AFDN: variants seen among roughly 807,000 people sequenced by gnomAD.
AFDN encodes the protein afadin.
In AFDN, 68 loss-of-function variants were observed where a neutral mutation model predicts 216.6. The ratio of observed to expected loss-of-function variants is 0.31; its 90% CI spans 0.26 to 0.38. AFDN has a LOEUF of 0.38. Ranked by LOEUF, AFDN falls within the 10% of genes least tolerant of loss-of-function variation. The pLI, the probability that AFDN is intolerant of heterozygous loss-of-function variation, is 1.00. For synonymous variants in AFDN, 868 were observed against 853.7 expected (o/e 1.02, Z -0.29); for missense variants, 2,136 against 2,342.0 (o/e 0.91, Z 1.82).
chr6:167,851,303 C>T (rs1324781157), intron 1 of AFDN, among the ~76,000 whole-genome samples: 1 of 152,104 alleles, frequency 6.6e-6, no homozygotes, highest in Non-Finnish European at 1.5e-5. Context: ...GGGACATCTG[C>T]AGGGTATGCA....
At chr6:167,870,592 C>CT in intron 3 of AFDN, 94 bp downstream of exon 3, 1 of 663,554 alleles carries the variant, frequency 1.5e-6, no homozygotes, top group Non-Finnish European at 2.5e-6. Flanking sequence ...AGTTCCTTCT[C>CT]TTTTTTGCTT....
At chr6:167,963,766 AC>A (rs1797263616) in intron 31 of AFDN, 1 of 1,062,204 alleles carries the variant, frequency 9.4e-7, no homozygotes, top group South Asian at 4.6e-5. Context: ...TGAGTCTTTC[AC>A]TTGTGTAATG....
intron 30 of AFDN, among the ~76,000 whole-genome samples, chr6:167,958,722 T>G (rs538241636): frequency 6.6e-6 from 1 of 152,358 alleles, no homozygotes; most frequent in South Asian, 2.1e-4. Flanking sequence ...TGTTTTTGCG[T>G]GGAACTGTAG....
intron 26 of AFDN, among the ~76,000 whole-genome samples, chr6:167,945,314 A>AC (rs1795138519): frequency 6.6e-6 from 1 of 152,192 alleles, no homozygotes; most frequent in African/African-American, 2.4e-5. Context: ...AGGGGCAGTG[A>AC]CATGCCATGG....
intron 31 of AFDN, chr6:167,964,253 G>T: frequency 9.4e-7 from 1 of 1,064,082 alleles, no homozygotes. Flanking sequence ...ATAGAAAAAT[G>T]TGCCATTCAT....
intron 21 of AFDN, among the ~76,000 whole-genome samples, chr6:167,919,742 A>G (rs1237823720): frequency 6.6e-6 from 1 of 152,244 alleles, no homozygotes; most frequent in Non-Finnish European, 1.5e-5. Context: ...TTTCTGATGT[A>G]TGAGGTTTTG....
At chr6:167,872,080 A>T in intron 3 of AFDN, 134 bp from the exon 4 acceptor site, 1 of 785,104 alleles carries the variant, frequency 1.3e-6, no homozygotes, top group Non-Finnish European at 2.1e-6. Context: ...CATTCTCATT[A>T]CTCCAGACCT....
At position 167,925,104 on chromosome 6, in the gene AFDN, G is replaced by T; in HGVS notation, c.3099+13G>T. On this transcript the variant is annotated intron_variant, in intron 23 of 33. Coordinates refer to ENST00000683244, the MANE Select transcript of AFDN (RefSeq NM_001386888.1). Reference sequence around the variant, plus strand: ...TGTTGCAGCAAAGGTAGGCCAATTAGTCACGTGCGAGTTGTTCTCTCCAGT... The same window carrying T: ...TGTTGCAGCAAAGGTAGGCCAATTATTCACGTGCGAGTTGTTCTCTCCAGT... 1 of 1,589,862 alleles carries T rather than the reference G, an allele frequency of 6.3e-7. No homozygotes were observed. The highest frequency in any genetic ancestry group is 8.6e-7 in the Non-Finnish European group (1 of 1,157,904).
At chr6:167,896,142 C>G (rs1788213770) in intron 9 of AFDN, among the ~76,000 whole-genome samples, 1 of 151,972 alleles carries the variant, frequency 6.6e-6, no homozygotes, top group African/African-American at 2.4e-5. Context: ...GCAGCTTCCT[C>G]CTCCTCCTCA....
intron 30 of AFDN, among the ~76,000 whole-genome samples, chr6:167,958,856 A>G (rs1309234435): frequency 6.6e-6 from 1 of 152,212 alleles, no homozygotes; most frequent in East Asian, 1.9e-4. Context: ...AGAGAAATCT[A>G]TCTGGGGGAA....
intron 1 of AFDN, among the ~76,000 whole-genome samples, chr6:167,856,929 T>A (rs1371406652): frequency 3.3e-5 from 5 of 152,268 alleles, no homozygotes; most frequent in Admixed American, 6.5e-5. Flanking sequence ...TATAGTTTTG[T>A]TGTCACATAT....
intron 1 of AFDN, among the ~76,000 whole-genome samples, chr6:167,844,038 G>A (rs532480714): frequency 9.9e-5 from 15 of 152,214 alleles, no homozygotes; most frequent in Non-Finnish European, 2.1e-4. Context: ...AATTTAGTTC[G>A]TGTTTTTTGA....
intron 9 of AFDN, 29 bp downstream of exon 9, chr6:167,893,935 A>G (rs1787920867): frequency 1.3e-6 from 2 of 1,514,446 alleles, no homozygotes; most frequent in Non-Finnish European, 9.0e-7. Context: ...CTACTTTTAT[A>G]ACTAAAGCAC....
chr6:167,926,908 C>T (rs775955537), intron 23 of AFDN, among the ~76,000 whole-genome samples: 1 of 152,144 alleles, frequency 6.6e-6, no homozygotes, highest in Non-Finnish European at 1.5e-5. Context: ...GCAAAAAATA[C>T]TTGTTGAAAA....
In AFDN at chr6:167,969,876, A is replaced by G. The variant is rs771118698; in HGVS notation, c.5437A>G (p.Asn1813Asp). The G allele has an allele frequency of 2.5e-6, 4 of 1,612,502 alleles. No individual in the cohort carries two copies. The highest frequency in any genetic ancestry group is 3.4e-6 in the Non-Finnish European group (4 of 1,179,540). ...TTTTTCACAAGGTCAAGATGTATCC[A>G]ATAAAGTGAAAGCTTCTCGTAAATT... ...RLFSQGQDVS[N>D]KVKASRKLTE... The change falls in exon 34 of 34, where the codon AAT becomes GAT. Residue 1813 changes from asparagine to aspartate, a missense_variant. By Grantham distance (23) the Asn-to-Asp change is conservative. Around this residue, in one of 8 missense-constraint regions of AFDN, gnomAD observed 981 missense variants for 966.0 expected, o/e 1.02. Coordinates refer to ENST00000683244, the MANE Select transcript of AFDN (RefSeq NM_001386888.1).
chr6:167,854,331 A>G (rs1782658231), intron 1 of AFDN, among the ~76,000 whole-genome samples: 1 of 152,036 alleles, frequency 6.6e-6, no homozygotes. Flanking sequence ...TATCTGTTAA[A>G]GAAATTATAT....
At chr6:167,964,614 CTGTGTGTGTGTGTGTGTGTGTGTG>C (rs369928994) in intron 31 of AFDN, 20 of 960,086 alleles carry the variant, frequency 2.1e-5, no homozygotes, top group Non-Finnish European at 2.5e-5. Flanking sequence ...CGTATTCACT[CTGTGTGTGTGTGTGTGTGTGTGTG>C]TGTGTGTGTG....
At chr6:167,954,685 C>T (rs886380709) in intron 30 of AFDN, among the ~76,000 whole-genome samples, 10 of 151,976 alleles carry the variant, frequency 6.6e-5, no homozygotes, top group African/African-American at 7.2e-5. Context: ...TGCTTTTCTC[C>T]GTTAATTTTA....
In AFDN at chr6:167,872,258, T is replaced by C; in HGVS notation, c.459T>C (p.Val153=). The C allele has an allele frequency of 6.2e-7, 1 of 1,613,216 alleles. No individual in the cohort carries two copies. The highest frequency in any genetic ancestry group is 8.5e-7 in the Non-Finnish European group (1 of 1,179,800). The change falls in exon 4 of 34, where the codon GTT becomes GTC. Residue 153 remains valine, a synonymous_variant. Transcript: ENST00000683244. ...NGPEKQEKEG[V]IQNFKRTLSK... ...CTGAAAAGCAGGAAAAAGAAGGGGT[T>C]ATCCAGAACTTCAAGAGAACTCTCT...
Sources: allele counts gnomAD v4.1 joint callset (sites outside exome capture counted in the v4.1 genomes callset), GRCh38; gene constraint gnomAD v4.1.1; regional missense constraint gnomAD v4.1.1; transcripts MANE v1.5; gene names NCBI Gene and HGNC (gene_info 2026-07-23, HGNC 2026-07-21).